Variants in CCDC171 observed in about 807,000 individuals in gnomAD.
CCDC171 encodes coiled-coil domain containing 171, also known as coiled-coil domain-containing protein 171.
CCDC171 carries 177 observed loss-of-function variants against 168.2 expected under a neutral mutation model. The ratio of observed to expected loss-of-function variants is 1.05; its 90% CI spans 0.93 to 1.19. CCDC171 has a LOEUF of 1.19. CCDC171 is among the 50% of genes most tolerant of loss of function. CCDC171 has a pLI of 0.00. For missense variants in CCDC171, 1,991 were observed against 1,539.0 expected (o/e 1.29, Z -4.91); for synonymous variants, 687 against 540.8 (o/e 1.27, Z -3.75).
intron 1 of CCDC171, among the ~76,000 whole-genome samples, chr9:15,562,732 C>G (rs751916578): frequency 1.4e-4 from 21 of 152,126 alleles, no homozygotes; most frequent in Non-Finnish European, 3.1e-4. Flanking sequence ...AAAACAGGAA[C>G]ATTTCATGTA....
chr9:15,561,583 C>G (rs1447298606), intron 1 of CCDC171, among the ~76,000 whole-genome samples: 1 of 152,106 alleles, frequency 6.6e-6, no homozygotes, highest in Non-Finnish European at 1.5e-5. Flanking sequence ...TATCCTGTAA[C>G]TCTGAACTTG....
rs550635067 is a variant in CCDC171 at position 16,056,398 on chromosome 9, T to G, written n.90-4248T>G. Among the ~76,000 whole-genome samples the G allele has an allele frequency of 7.2e-5, 11 of 152,366 alleles. No individual in the cohort carries two copies. In the South Asian group the frequency reaches 2.3e-3, roughly 32 times the overall value. Reference sequence around the variant, plus strand: ...TGAGAAACTGGATTTTTAGTTGTACTAAGTAATTGTTAATTTAAATTGAAA... The same window carrying G: ...TGAGAAACTGGATTTTTAGTTGTACGAAGTAATTGTTAATTTAAATTGAAA... On this transcript the variant is annotated intron_variant and non_coding_transcript_variant, in intron 1 of 1. Transcript: ENST00000478913.
At chr9:15,563,851 A>G (rs2039509943) in intron 1 of CCDC171, 127 bp from the exon 2 acceptor site, 8 of 429,628 alleles carry the variant, frequency 1.9e-5, no homozygotes, top group Non-Finnish European at 2.9e-5. Context: ...TGAGGTCTAG[A>G]TATCTCTATA....
At chr9:15,630,873 A>C (rs2132274787) in intron 7 of CCDC171, among the ~76,000 whole-genome samples, 1 of 152,352 alleles carries the variant, frequency 6.6e-6, no homozygotes, top group South Asian at 2.1e-4. Flanking sequence ...AAACTCACTC[A>C]AAACTGCTCA....
At chr9:15,586,354 T>G (rs1014643688) in intron 4 of CCDC171, among the ~76,000 whole-genome samples, 4 of 152,168 alleles carry the variant, frequency 2.6e-5, no homozygotes, top group Non-Finnish European at 5.9e-5. Flanking sequence ...AAAAGCCTAA[T>G]GCAGTTATGA....
At chr9:15,931,222 C>A in intron 25 of CCDC171, among the ~76,000 whole-genome samples, 1 of 151,636 alleles carries the variant, frequency 6.6e-6, no homozygotes. Flanking sequence ...TAAATGTTCC[C>A]TTTTTCTCCA....
intron 21 of CCDC171, among the ~76,000 whole-genome samples, chr9:15,811,594 C>T (rs1401214803): frequency 6.6e-6 from 1 of 151,980 alleles, no homozygotes; most frequent in Non-Finnish European, 1.5e-5. Context: ...TTTCTTTAAC[C>T]TTACTAACTT....
intron 3 of CCDC171, among the ~76,000 whole-genome samples, chr9:15,988,270 T>G (rs1023898309): frequency 2.0e-5 from 3 of 151,700 alleles, no homozygotes; most frequent in Non-Finnish European, 4.4e-5. Flanking sequence ...GTACACTGTA[T>G]TTTGTTTTTT....
intron 18 of CCDC171, among the ~76,000 whole-genome samples, chr9:15,763,610 C>A (rs1217389747): frequency 6.6e-6 from 1 of 152,208 alleles, no homozygotes; most frequent in African/African-American, 2.4e-5. Flanking sequence ...CTCCCAGGAG[C>A]TGGGAAAATG....
chr9:16,062,298 G>A (rs556894378), downstream of CCDC171, among the ~76,000 whole-genome samples: 17 of 152,160 alleles, frequency 1.1e-4, no homozygotes, highest in Non-Finnish European at 2.4e-4. Flanking sequence ...ATTAATGCAG[G>A]ATCAGAAAAC....
chr9:15,901,028 A>C (rs1821571421), intron 24 of CCDC171, among the ~76,000 whole-genome samples: 1 of 152,228 alleles, frequency 6.6e-6, no homozygotes, highest in Non-Finnish European at 1.5e-5. Context: ...ATATACATTC[A>C]TTCCTTAATA....
chr9:16,012,914 C>G (rs557959166), intron 3 of CCDC171, among the ~76,000 whole-genome samples: 3 of 152,258 alleles, frequency 2.0e-5, no homozygotes, highest in Admixed American at 2.0e-4. Context: ...AATGCTTAAA[C>G]GTATAGGTCT....
chr9:15,561,843 A>G (rs916485412), intron 1 of CCDC171, among the ~76,000 whole-genome samples: 1 of 151,800 alleles, frequency 6.6e-6, no homozygotes, highest in East Asian at 1.9e-4. Flanking sequence ...AAAAAGAAAG[A>G]CTTGATAAAA....
the CCDC171 span, among the ~76,000 whole-genome samples, chr9:16,081,157 G>A: frequency 6.6e-6 from 1 of 152,178 alleles, no homozygotes; most frequent in Non-Finnish European, 1.5e-5. Flanking sequence ...GAAGCCCAGT[G>A]GGTTCTAACA....
rs947380615 is a variant in CCDC171, at chr9:15,796,953, A to C, written c.3267+12259A>C. On this transcript the variant is annotated intron_variant, in intron 21 of 25. Coordinates refer to ENST00000380701, the MANE Select transcript of CCDC171 (RefSeq NM_173550.4). ...GGTTGTATAGTAAGTGTGAGTTTTT[A>C]AGAAACTGCCGAAATCTTTTTCAAA... Among the ~76,000 whole-genome samples the C allele has an allele frequency of 5.9e-5, 9 of 152,334 alleles. No homozygotes were observed. In the East Asian group the frequency reaches 1.7e-3, roughly 29 times the overall value.
At chr9:15,951,604 T>G (rs900097852) in intron 25 of CCDC171, among the ~76,000 whole-genome samples, 2 of 152,146 alleles carry the variant, frequency 1.3e-5, no homozygotes, top group African/African-American at 4.8e-5. Flanking sequence ...AGGTTTGATT[T>G]GCATTTCCCT....
At chr9:16,085,518 C>T in the CCDC171 span, among the ~76,000 whole-genome samples, 9 of 152,228 alleles carry the variant, frequency 5.9e-5, no homozygotes, top group African/African-American at 9.6e-5. Flanking sequence ...CAGCCAGTGA[C>T]TGAACACAGG....
intron 6 of CCDC171, among the ~76,000 whole-genome samples, chr9:15,608,638 G>C (rs945485714): frequency 2.0e-5 from 3 of 151,466 alleles, no homozygotes; most frequent in Non-Finnish European, 4.4e-5. Flanking sequence ...TTGGATTTTT[G>C]GGTATATTTT....
At chr9:15,827,978 C>T (rs543681006) in intron 21 of CCDC171, among the ~76,000 whole-genome samples, 1 of 152,216 alleles carries the variant, frequency 6.6e-6, no homozygotes, top group East Asian at 1.9e-4. Context: ...ACCTTTCTTT[C>T]TTAGAAGTCT....
Sources: allele counts gnomAD v4.1 joint callset (sites outside exome capture counted in the v4.1 genomes callset), GRCh38; gene constraint gnomAD v4.1.1; transcripts MANE v1.5; gene names NCBI Gene and HGNC (gene_info 2026-07-23, HGNC 2026-07-21).